The following ZNF541 variants were observed in gnomAD, a reference collection of about 807,000 sequenced individuals.
The protein encoded by ZNF541 is zinc finger protein 541.
In ZNF541, 23 loss-of-function variants were observed where a neutral mutation model predicts 123.5. The observed-to-expected ratio is 0.19, with a 90% CI of 0.13 to 0.26. ZNF541 has a LOEUF of 0.26. Among genes scored for constraint, ZNF541 ranks in the 10% least tolerant of loss-of-function variants. ZNF541 has a pLI of 1.00. For synonymous variants in ZNF541, 751 were observed against 754.5 expected (o/e 1.00, Z 0.08); for missense variants, 1,612 against 1,789.9 (o/e 0.90, Z 1.79).
chr19:47,537,035 C>T (rs1969853708), intron 9 of ZNF541, among the ~76,000 whole-genome samples: 1 of 152,078 alleles, frequency 6.6e-6, no homozygotes, highest in South Asian at 2.1e-4. Context: ...TAGGCAAATC[C>T]AAAGAGAGAA....
chr19:47,545,557 G>C lies in ZNF541; in HGVS notation c.972C>G (p.His324Gln), dbSNP rs1452692447. The C allele has an allele frequency of 3.2e-6, 5 of 1,538,858 alleles. No homozygotes were observed. Among genetic ancestry groups the C allele is most frequent in the Non-Finnish European group, 4.4e-6 (5 of 1,139,482 alleles). ...GSSSCTPAGP[H>Q]AAPAALDTEL... is the part of the protein sequence containing the mutation. ...CGGTGTCCAGCGCTGCTGGGGCCGC[G>C]TGGGGGCCGGCTGGGGTGCAGGACG... The change falls in exon 5 of 17, where the codon CAC becomes CAG. Residue 324 changes from histidine to glutamine, a missense_variant. Coordinates refer to ENST00000391901, the MANE Select transcript of ZNF541 (RefSeq NM_001277075.3). The surrounding 1 kb of genome is among the most constrained non-coding windows in gnomAD (Gnocchi z 7.5).
chr19:47,541,880 G>A (rs1970095126), intron 5 of ZNF541, among the ~76,000 whole-genome samples: 1 of 152,284 alleles, frequency 6.6e-6, no homozygotes, highest in African/African-American at 2.4e-5. Flanking sequence ...ACGACCTGGC[G>A]ATTCTACTCC....
chr19:47,566,130 T>C (rs1971253360), intron 2 of ZNF541, among the ~76,000 whole-genome samples: 1 of 151,978 alleles, frequency 6.6e-6, no homozygotes, highest in Admixed American at 6.6e-5. Context: ...TGAGCCAAGA[T>C]TGTGCCACTG....
intron 2 of ZNF541, among the ~76,000 whole-genome samples, chr19:47,559,828 TGACAGAGCAAGA>T (rs1378094255): frequency 1.4e-5 from 2 of 139,326 alleles, no homozygotes; most frequent in African/African-American, 5.5e-5. Flanking sequence ...CCAGCCTGGG[TGACAGAGCAAGA>T]CTCTGTCTCA....
chr19:47,570,729 T>C (rs1362482169), intron 2 of ZNF541, among the ~76,000 whole-genome samples: 2 of 151,826 alleles, frequency 1.3e-5, no homozygotes, highest in East Asian at 3.9e-4. Context: ...AAAGTTTACA[T>C]AAACAAAAAT....
intron 12 of ZNF541, 125 bp downstream of exon 12, chr19:47,531,517 G>T: frequency 1.5e-6 from 1 of 653,046 alleles, no homozygotes; most frequent in Non-Finnish European, 2.5e-6. Flanking sequence ...AAGCCGCTGT[G>T]GAGGAGGATG....
At chr19:47,550,275 AAGAC>A (rs1172671583) in intron 3 of ZNF541, among the ~76,000 whole-genome samples, 2 of 151,222 alleles carry the variant, frequency 1.3e-5, no homozygotes, top group African/African-American at 4.9e-5. Context: ...GAAAGAAAGA[AAGAC>A]AGGAAGGAAG....
rs1274495444 is a variant in ZNF541, at chr19:47,544,729, C to T, written c.1800G>A (p.Gln600=). 1 of 1,501,650 alleles carries T rather than the reference C, an allele frequency of 6.7e-7. No homozygotes were observed. The highest frequency in any genetic ancestry group is 8.9e-7 in the Non-Finnish European group (1 of 1,127,732). 93.0% of individuals were successfully genotyped at this position (1,501,650 alleles called of 1,614,324 possible). A position where few individuals can be genotyped will look rare whatever the true frequency, so the allele number is the denominator to read the frequency against. Residue 600 remains glutamine (Q), a synonymous_variant, in exon 5 of 17, where the codon CAG becomes CAA. Coordinates refer to ENST00000391901, the MANE Select transcript of ZNF541 (RefSeq NM_001277075.3). ...LRPLQGPWPQ[Q]PPPLAPAVDS... is the part of the protein sequence containing the mutation. ...CCACAGCAGGAGCCAGTGGTGGGGGCTGCTGCGGCCACGGCCCCTGCAGCG... is the reference window on the plus strand; with the variant it reads ...CCACAGCAGGAGCCAGTGGTGGGGGTTGCTGCGGCCACGGCCCCTGCAGCG...
In ZNF541 at chr19:47,538,318, C is replaced by A. The variant is rs572657043; in HGVS notation, c.2918G>T (p.Arg973Leu). ...CACCAGGAACATGGGTGACCGCAGGCGGCTCTGGTGGCATCCTGCAGGGCC... is the reference window on the plus strand; with the variant it reads ...CACCAGGAACATGGGTGACCGCAGGAGGCTCTGGTGGCATCCTGCAGGGCC... ...EPGPAGCHQS[R>L]LRSPMFLVDC... is the part of the protein sequence containing the mutation. The change falls in exon 9 of 17, where the codon CGC (arginine) becomes CTC (leucine). Residue 973 changes from arginine (R) to leucine (L), a missense_variant. Arg to Leu is a moderately radical substitution (Grantham distance 102). Transcript: ENST00000391901. The A allele has an allele frequency of 1.9e-6, 3 of 1,544,440 alleles. No homozygotes were observed. Among genetic ancestry groups the A allele is most frequent in the Admixed American group, 2.0e-5 (1 of 50,426 alleles).
At chr19:47,540,863 G>A in intron 6 of ZNF541, 30 bp downstream of exon 6, 1 of 1,547,756 alleles carries the variant, frequency 6.5e-7, no homozygotes, top group Non-Finnish European at 8.7e-7. Context: ...CTGCCAGGGT[G>A]CATGCAGGAT....
At chr19:47,532,672 A>G (rs1969628850) in intron 10 of ZNF541, among the ~76,000 whole-genome samples, 1 of 152,164 alleles carries the variant, frequency 6.6e-6, no homozygotes, top group Admixed American at 6.5e-5. Context: ...CATGTGCCAC[A>G]TATATATTTC....
At position 47,555,862 on chromosome 19, in the gene ZNF541, TC is replaced by T. The variant is rs1347086915; in HGVS notation, c.-7del. On this transcript the variant is annotated 5_prime_UTR_variant, in exon 3 of 17. Transcript: ENST00000391901. ...CCAAGGCTGTACTGGTCCATGGCTCTCCACTGCCAGGTCTTGGCCAAAAGCT... is the reference window on the plus strand; with the variant it reads ...CCAAGGCTGTACTGGTCCATGGCTCTCACTGCCAGGTCTTGGCCAAAAGCT... The T allele has an allele frequency of 5.3e-5, 81 of 1,541,968 alleles. No individual in the cohort carries two copies. Among genetic ancestry groups the T allele is most frequent in the Non-Finnish European group, 6.8e-5 (78 of 1,140,946 alleles).
chr19:47,537,563 CAAAAAAAA>C, intron 9 of ZNF541, among the ~76,000 whole-genome samples: 1 of 56,524 alleles, frequency 1.8e-5, no homozygotes, highest in East Asian at 5.4e-4. Flanking sequence ...TACTCTGTCT[CAAAAAAAA>C]AAAAAAAAAA....
chr19:47,568,674 AT>A (rs1217488028), intron 2 of ZNF541, among the ~76,000 whole-genome samples: 1 of 150,452 alleles, frequency 6.6e-6, no homozygotes, highest in Non-Finnish European at 1.5e-5. Context: ...TCCTACTCCA[AT>A]TTTTTTTGTT....
intron 10 of ZNF541, 45 bp from the exon 11 acceptor site, chr19:47,532,315 C>T (rs561416801): frequency 5.2e-5 from 80 of 1,544,728 alleles, no homozygotes; most frequent in Non-Finnish European, 6.6e-5. Flanking sequence ...ACAAACATGA[C>T]TGAGATGGGA....
Position 47,529,639 on chromosome 19 carries a change from G to A in ZNF541, c.3419C>T (p.Thr1140Ile), listed in dbSNP as rs747008660. 4.4e-5 allele frequency: 68 copies of A among 1,551,554 alleles called. No homozygotes were observed. The highest frequency in any genetic ancestry group is 4.5e-5 in the Non-Finnish European group (52 of 1,146,992). Residue 1140 changes from threonine (T) to isoleucine (I), a missense_variant, in exon 13 of 17, where the codon ACT (threonine) becomes ATT (isoleucine). Thr to Ile is a moderately conservative substitution (Grantham distance 89, BLOSUM62 -1). Transcript: ENST00000391901. ...AQGNVQVALE[T>I]LLLRGPHKPR... ...CTTGTGGGGCCCTCGGAGCAGAAGAGTCTCCAGGGCGACCTGGAACAAGAG... is the reference window on the plus strand; with the variant it reads ...CTTGTGGGGCCCTCGGAGCAGAAGAATCTCCAGGGCGACCTGGAACAAGAG...
intron 4 of ZNF541, among the ~76,000 whole-genome samples, chr19:47,546,206 T>TA (rs113946046): frequency 0.16 from 20,700 of 125,636 alleles, 1,533 homozygotes; most frequent in Admixed American, 0.24. Flanking sequence ...TACAGAAAAG[T>TA]AAAAAAAAAA....
chr19:47,572,978 C>T (rs1267009371), intron 1 of ZNF541, among the ~76,000 whole-genome samples, 105 bp downstream of exon 1: 1 of 149,108 alleles, frequency 6.7e-6, no homozygotes, highest in Non-Finnish European at 1.5e-5. Flanking sequence ...AATCAAGAAA[C>T]GAATGAGATT....
chr19:47,560,106 T>C (rs1970999769), intron 2 of ZNF541, among the ~76,000 whole-genome samples: 1 of 152,102 alleles, frequency 6.6e-6, no homozygotes, highest in African/African-American at 2.4e-5. Context: ...TGTACCTAAC[T>C]GGCAGCTCTC....
Sources: gnomAD v4.1 joint callset for allele counts (sites outside exome capture counted in the v4.1 genomes callset) on GRCh38, gnomAD v4.1.1 for gene constraint, Gnocchi (gnomAD v3.1) non-coding constraint, MANE v1.5 for transcripts, NCBI Gene and HGNC (gene_info 2026-07-23, HGNC 2026-07-21) for gene names.